Variants in TMEM163 observed in about 807,000 individuals in gnomAD.
TMEM163 encodes the protein transmembrane protein 163.
TMEM163 carries 17 observed loss-of-function variants against 29.3 expected under a neutral mutation model. The ratio of observed to expected loss-of-function variants is 0.58; its 90% confidence interval spans 0.40 to 0.87. The LOEUF (loss-of-function observed/expected upper bound fraction) is 0.87. TMEM163 is among the 40% of genes least tolerant of loss of function. The pLI is 0.00. For missense variants in TMEM163, 303 were observed against 381.5 expected, an observed-to-expected ratio of 0.79 and a Z score of 1.71; for synonymous variants, 157 against 160.6, an observed-to-expected ratio of 0.98 and a Z score of 0.17.
intron 2 of TMEM163, among the ~76,000 whole-genome samples, chr2:134,676,898 C>T (rs1684127341): frequency 6.6e-6 from 1 of 152,174 alleles, no homozygotes; most frequent in African/African-American, 2.4e-5. Context: ...TAACTACCCT[C>T]ATGATTATCT....
chr2:134,511,595 C>T (rs1558928589), intron 4 of TMEM163, among the ~76,000 whole-genome samples: 3 of 152,204 alleles, frequency 2.0e-5, no homozygotes, highest in Non-Finnish European at 2.9e-5. Context: ...GCAGGAGAAG[C>T]GGCAGCGCAG....
chr2:134,687,022 T>A (rs1684364867), intron 2 of TMEM163, among the ~76,000 whole-genome samples: 3 of 152,236 alleles, frequency 2.0e-5, no homozygotes. Context: ...AACATCTCTA[T>A]CTTCCAAAGC....
chr2:134,494,151 GT>G (rs1425776823), intron 5 of TMEM163, among the ~76,000 whole-genome samples: 1 of 152,140 alleles, frequency 6.6e-6, no homozygotes, highest in African/African-American at 2.4e-5. Flanking sequence ...ACTTTCATCA[GT>G]GCCCAGTTCT....
chr2:134,518,936 A>G (rs1206752487), intron 4 of TMEM163, among the ~76,000 whole-genome samples: 1 of 152,164 alleles, frequency 6.6e-6, no homozygotes, highest in Non-Finnish European at 1.5e-5. Context: ...AAAGCAAGAC[A>G]ATTGGGAGAT....
chr2:134,513,245 A>G (rs991018956), intron 4 of TMEM163, among the ~76,000 whole-genome samples: 2 of 152,184 alleles, frequency 1.3e-5, no homozygotes, highest in African/African-American at 4.8e-5. Flanking sequence ...GGGGGCAGAA[A>G]AGATCAGGAG....
At position 134,504,438 on chromosome 2, in the gene TMEM163, G is replaced by A. The variant is rs80232230; in HGVS notation, c.459-1441C>T. 2.5e-3 allele frequency among the ~76,000 whole-genome samples: 379 copies of A among 149,750 alleles called. 1 individual carries two copies. Among genetic ancestry groups the A allele is most frequent in the African/African-American group, 8.9e-3 (366 of 41,236 alleles). ...ATGGAAGGAACATCACCCCCCAAGGGACACAGGCTCTGCAAAAAAAAATGA... is the reference window on the plus strand; with the variant it reads ...ATGGAAGGAACATCACCCCCCAAGGAACACAGGCTCTGCAAAAAAAAATGA... On this transcript the variant is annotated intron_variant, in intron 4 of 7. Coordinates refer to ENST00000281924, the MANE Select transcript of TMEM163 (RefSeq NM_030923.5).
intron 5 of TMEM163, chr2:134,467,557 A>C (rs71417513): frequency 6.6e-6 from 1 of 152,194 alleles, no homozygotes; most frequent in Admixed American, 6.5e-5. Context: ...AAACGGAGGG[A>C]CCGTCTACAA....
At chr2:134,623,974 T>C (rs1376375974) in intron 2 of TMEM163, among the ~76,000 whole-genome samples, 1 of 152,210 alleles carries the variant, frequency 6.6e-6, no homozygotes, top group Non-Finnish European at 1.5e-5. Flanking sequence ...GATGACTACT[T>C]GTTCTCACCA....
intron 2 of TMEM163, among the ~76,000 whole-genome samples, chr2:134,615,732 C>T (rs762634232): frequency 6.9e-5 from 10 of 144,046 alleles, no homozygotes; most frequent in Non-Finnish European, 1.3e-4. Flanking sequence ...TCTCGGCTCA[C>T]TGCAACCTCC....
chr2:134,581,771 T>C (rs769340714), intron 2 of TMEM163, among the ~76,000 whole-genome samples: 2 of 152,136 alleles, frequency 1.3e-5, no homozygotes, highest in Non-Finnish European at 2.9e-5. Flanking sequence ...CATATACACA[T>C]GTACAATAAT....
chr2:134,490,299 A>G (rs1490399929), intron 5 of TMEM163, among the ~76,000 whole-genome samples: 1 of 152,172 alleles, frequency 6.6e-6, no homozygotes, highest in Admixed American at 6.5e-5. Flanking sequence ...GTAGTGGGGA[A>G]GTGTCAAGGA....
intron 6 of TMEM163, among the ~76,000 whole-genome samples, chr2:134,465,874 C>T (rs1283171410): frequency 2.0e-5 from 3 of 152,090 alleles, no homozygotes; most frequent in Admixed American, 1.3e-4. Context: ...AGCCTCCCTG[C>T]TAGGAGGTCA....
intron 2 of TMEM163, among the ~76,000 whole-genome samples, chr2:134,634,957 T>A (rs753130012): frequency 4.6e-5 from 7 of 152,218 alleles, no homozygotes; most frequent in Non-Finnish European, 8.8e-5. Context: ...GAAACATACA[T>A]TGAACAAGTG....
chr2:134,551,499 C>A (rs1305880811), intron 3 of TMEM163, among the ~76,000 whole-genome samples: 1 of 152,180 alleles, frequency 6.6e-6, no homozygotes, highest in East Asian at 1.9e-4. Flanking sequence ...CCACACCACA[C>A]TTCTCAGCTG....
At chr2:134,622,553 C>CA (rs1462890131) in intron 2 of TMEM163, among the ~76,000 whole-genome samples, 1 of 152,180 alleles carries the variant, frequency 6.6e-6, no homozygotes, top group Non-Finnish European at 1.5e-5. Context: ...CTCCACTGGG[C>CA]AAGTGATACT....
At chr2:134,546,310 G>A (rs114241630) in intron 4 of TMEM163, among the ~76,000 whole-genome samples, 1,626 of 152,236 alleles carry the variant, frequency 0.011, 30 homozygotes, top group African/African-American at 0.036. Context: ...ATGGATGAAT[G>A]GATAAACAAA....
chr2:134,518,718 A>G (rs1019953689), intron 4 of TMEM163, among the ~76,000 whole-genome samples: 1 of 152,116 alleles, frequency 6.6e-6, no homozygotes, highest in African/African-American at 2.4e-5. Flanking sequence ...TGCCTACAGA[A>G]GTGACCACGA....
chr2:134,492,756 C>T (rs1171124424), intron 5 of TMEM163, among the ~76,000 whole-genome samples: 1 of 152,194 alleles, frequency 6.6e-6, no homozygotes, highest in East Asian at 1.9e-4. Context: ...CCTGTTAACA[C>T]ACATATAGGT....
At chr2:134,627,528 C>T (rs1682879521) in intron 2 of TMEM163, among the ~76,000 whole-genome samples, 1 of 152,112 alleles carries the variant, frequency 6.6e-6, no homozygotes, top group South Asian at 2.1e-4. Flanking sequence ...CACTCTCATA[C>T]TAAAATTAGT....
Sources: allele counts gnomAD v4.1 joint callset (sites outside exome capture counted in the v4.1 genomes callset), GRCh38; gene constraint gnomAD v4.1.1; transcripts MANE v1.5; gene names NCBI Gene and HGNC (gene_info 2026-07-23, HGNC 2026-07-21).